CECR2: variants seen among roughly 807,000 people sequenced by gnomAD.
CECR2 encodes chromatin remodeling regulator CECR2.
Under a neutral mutation model 154.5 loss-of-function variants are expected in CECR2, and 30 were observed. The observed-to-expected ratio is 0.19, with a 90% CI of 0.15 to 0.26. The LOEUF (loss-of-function observed/expected upper bound fraction) is 0.26, where lower values mean the gene tolerates loss of function less well. Among genes scored for constraint, CECR2 ranks in the 10% least tolerant of loss-of-function variants. The pLI, the probability that CECR2 is intolerant of heterozygous loss-of-function variation, is 1.00. For synonymous variants in CECR2, 725 were observed against 683.7 expected (o/e 1.06, Z -0.94); for missense variants, 1,743 against 1,829.3 (o/e 0.95, Z 0.86).
chr22:17,499,270 T>G, intron 3 of CECR2, 140 bp from the exon 4 acceptor site: 63 of 977,844 alleles, frequency 6.4e-5, no homozygotes, highest in Non-Finnish European at 8.6e-5. Flanking sequence ...ATTACAGGCG[T>G]GAGCCACCAC....
intron 1 of CECR2, among the ~76,000 whole-genome samples, chr22:17,446,903 G>A (rs551637248): frequency 1.4e-3 from 214 of 150,360 alleles, no homozygotes; most frequent in Non-Finnish European, 2.5e-3. Flanking sequence ...TTTACAGAGC[G>A]CTGATTGGTC....
At chr22:17,541,509 G>T (rs185132953) in intron 14 of CECR2, among the ~76,000 whole-genome samples, 381 of 152,308 alleles carry the variant, frequency 2.5e-3, no homozygotes, top group Admixed American at 4.4e-3. Flanking sequence ...GTACATGAAT[G>T]TACAGTATAT....
At chr22:17,444,109 G>A (rs989493831) in intron 1 of CECR2, among the ~76,000 whole-genome samples, 4 of 152,114 alleles carry the variant, frequency 2.6e-5, no homozygotes, top group African/African-American at 4.8e-5. Flanking sequence ...CTGGTTAGTC[G>A]GTCTGTGGTC....
chr22:17,448,405 T>C (rs2054712580), intron 1 of CECR2, among the ~76,000 whole-genome samples: 1 of 152,242 alleles, frequency 6.6e-6, no homozygotes, highest in African/African-American at 2.4e-5. Flanking sequence ...ATATGATGCA[T>C]GGAAAGAAGT....
intron 1 of CECR2, among the ~76,000 whole-genome samples, chr22:17,468,178 T>G (rs966710895): frequency 6.6e-6 from 1 of 152,170 alleles, no homozygotes; most frequent in African/African-American, 2.4e-5. Context: ...TGCCCTTTGT[T>G]GTTGTTTAAG....
intron 1 of CECR2, among the ~76,000 whole-genome samples, chr22:17,403,006 G>A (rs575878950): frequency 1.3e-4 from 20 of 152,198 alleles, no homozygotes; most frequent in African/African-American, 4.3e-4. Flanking sequence ...CACCCGCCTC[G>A]GCCTCCCTAA....
intron 1 of CECR2, among the ~76,000 whole-genome samples, chr22:17,443,310 A>T (rs983937394): frequency 3.9e-5 from 6 of 152,178 alleles, no homozygotes; most frequent in African/African-American, 7.2e-5. Flanking sequence ...CGATTTCTCT[A>T]TTAAAATTCT....
chr22:17,510,725 C>T (rs766194310), intron 7 of CECR2, among the ~76,000 whole-genome samples: 8 of 152,194 alleles, frequency 5.3e-5, no homozygotes, highest in Non-Finnish European at 8.8e-5. Flanking sequence ...TCTCAGCCTC[C>T]TGAGTAGCTG....
At chr22:17,504,696 C>T in intron 6 of CECR2, 151 bp from the exon 7 acceptor site, 3 of 566,772 alleles carry the variant, frequency 5.3e-6, no homozygotes, top group South Asian at 2.4e-5. Flanking sequence ...CCGCCTCGGC[C>T]TCCCAAAGTG....
At chr22:17,442,829 G>A (rs2054605053) in intron 1 of CECR2, among the ~76,000 whole-genome samples, 2 of 152,114 alleles carry the variant, frequency 1.3e-5, no homozygotes, top group East Asian at 1.9e-4. Flanking sequence ...TTACAGGAGT[G>A]AGCCACCGCG....
intron 9 of CECR2, among the ~76,000 whole-genome samples, chr22:17,524,644 G>C (rs1412177413): frequency 7.3e-6 from 1 of 137,214 alleles, no homozygotes; most frequent in African/African-American, 2.8e-5. Flanking sequence ...TGCCCGCCTT[G>C]GCCTCCCAAA....
chr22:17,511,366 C>T (rs1231125305), intron 7 of CECR2, among the ~76,000 whole-genome samples: 1 of 152,192 alleles, frequency 6.6e-6, no homozygotes, highest in Non-Finnish European at 1.5e-5. Flanking sequence ...CTGGCTTCCC[C>T]TCCTGGGCAA....
rs146272905 is a variant in CECR2, at chr22:17,382,600, T to C, written c.126+12691T>C. 7.5e-4 allele frequency among the ~76,000 whole-genome samples: 114 copies of C among 152,300 alleles called. 1 individual carries two copies. Among genetic ancestry groups the C allele is most frequent in the African/African-American group, 2.1e-3 (87 of 41,566 alleles). ...ATTATGTCTTAAAAAATAATGTATA[T>C]ACCTTAATTAAAAAATATTTTAGGC... is the stretch of plus-strand genomic sequence containing the variant. On this transcript the variant is annotated intron_variant, in intron 1 of 18. Coordinates refer to ENST00000262608, the MANE Select transcript of CECR2 (RefSeq NM_001290047.2).
At position 17,415,079 on chromosome 22, in the gene CECR2, C is replaced by G. The variant is rs559696726; in HGVS notation, c.126+45170C>G. ...ATGGTTAATTCACTTAGAAGCCATTCGTGTTGGTGCCTTCAGTGCCTAGCG... is the reference window on the plus strand; with the variant it reads ...ATGGTTAATTCACTTAGAAGCCATTGGTGTTGGTGCCTTCAGTGCCTAGCG... On this transcript the variant is annotated intron_variant, in intron 1 of 18. Transcript: ENST00000262608. Among the ~76,000 whole-genome samples, 7 of 152,218 alleles carry G rather than the reference C, an allele frequency of 4.6e-5. No individual in the cohort carries two copies. The South Asian group carries it at 1.2e-3, about 27-fold the overall frequency.
intron 8 of CECR2, among the ~76,000 whole-genome samples, chr22:17,515,250 C>T (rs1171693100): frequency 1.3e-5 from 2 of 152,122 alleles, no homozygotes; most frequent in South Asian, 2.1e-4. Flanking sequence ...AGTGCAGGGC[C>T]GTGCTGGAGG....
At chr22:17,529,164 G>A (rs1284509459) in intron 9 of CECR2, among the ~76,000 whole-genome samples, 1 of 152,192 alleles carries the variant, frequency 6.6e-6, no homozygotes, top group African/African-American at 2.4e-5. Context: ...ACCCGTGAGT[G>A]CCTGAAGCGG....
At chr22:17,498,980 T>TATTG (rs894248260) in intron 3 of CECR2, among the ~76,000 whole-genome samples, 5 of 151,574 alleles carry the variant, frequency 3.3e-5, no homozygotes, top group African/African-American at 9.7e-5. Flanking sequence ...TGGACATTTT[T>TATTG]ATTTATTTAT....
rs762604094 is a variant in CECR2 at position 17,541,859 on chromosome 22, A to G, written c.1905A>G (p.Thr635=). The G allele has an allele frequency of 1.9e-6, 3 of 1,613,752 alleles. No individual in the cohort carries two copies. In the Admixed American group the frequency reaches 5.0e-5, roughly 27 times the overall value. The change falls in exon 15 of 19, where the codon ACA becomes ACG. Residue 635 remains threonine, a synonymous_variant. Coordinates refer to ENST00000262608, the MANE Select transcript of CECR2 (RefSeq NM_001290047.2). ...LNQMRPAVPG[T]FGPLRGSDPA... The stretch of plus-strand genomic sequence containing the variant: ...TGCAGAGGCCAGCAGTACCAGGAAC[A>G]TTTGGCCCTCTGCGAGGATCAGATC...
Position 17,524,599 on chromosome 22 carries a change from A to G in CECR2, c.1108+328A>G, listed in dbSNP as rs141801569. On this transcript the variant is annotated intron_variant, in intron 9 of 18. Transcript: ENST00000262608. The stretch of plus-strand genomic sequence containing the variant: ...AGTTGAGACGGGGTTTCACTGTGTT[A>G]GCCAGGATGGTCTCGATATCTTGAC... Among the ~76,000 whole-genome samples, 13 of 136,554 alleles carry G rather than the reference A, an allele frequency of 9.5e-5. No individual in the cohort carries two copies. The East Asian group carries it at 2.5e-3, about 26-fold the overall frequency. 89.6% of individuals were successfully genotyped at this position (136,554 alleles called of 152,430 possible).
Sources: allele counts gnomAD v4.1 joint callset (sites outside exome capture counted in the v4.1 genomes callset), GRCh38; gene constraint gnomAD v4.1.1; transcripts MANE v1.5; gene names NCBI Gene and HGNC (gene_info 2026-07-23, HGNC 2026-07-21).